EDA2R: variants seen among roughly 807,000 people sequenced by gnomAD.
EDA2R encodes the protein tumor necrosis factor receptor superfamily member 27.
Under a neutral mutation model 20.1 loss-of-function variants are expected in EDA2R, and 26 were observed. The ratio of observed to expected loss-of-function variants is 1.30; its 90% CI spans 0.95 to 1.80. The LOEUF is 1.80. EDA2R is among the 40% of genes most tolerant of loss of function. The pLI, the probability that EDA2R is intolerant of heterozygous loss-of-function variation, is 0.00. For missense variants in EDA2R, 277 were observed against 228.7 expected (o/e 1.21, Z -1.36); for synonymous variants, 114 against 88.7 (o/e 1.29, Z -1.60).
chrX:66,605,030 C>G lies in EDA2R; in HGVS notation c.266+18G>C. On this transcript the variant is annotated intron_variant, in intron 3 of 6. Transcript: ENST00000374719. ...CTAGAAAAGCCCAGACAAGCTTGGTCTCATAAAGCAAGCTCACCTGGGCAA... is the reference window on the plus strand; with the variant it reads ...CTAGAAAAGCCCAGACAAGCTTGGTGTCATAAAGCAAGCTCACCTGGGCAA... 8.5e-7 allele frequency: 1 copy of G among 1,182,140 alleles called. No individual in the cohort carries two copies. Among genetic ancestry groups the G allele is most frequent in the Non-Finnish European group, 1.1e-6 (1 of 878,853 alleles).
chrX:66,613,360 T>C (rs975899861), intron 2 of EDA2R, among the ~76,000 whole-genome samples: 6 of 110,812 alleles, frequency 5.4e-5, no homozygotes, highest in Middle Eastern at 9.3e-3. Context: ...ACATAATGAA[T>C]AGAAAGAATA....
chrX:66,633,012 G>T (rs997252884), intron 1 of EDA2R, among the ~76,000 whole-genome samples: 1 of 111,484 alleles, frequency 9.0e-6, no homozygotes, highest in African/African-American at 3.2e-5. Flanking sequence ...TTATTCTAGC[G>T]CACAGAGCAA....
Position 66,596,003 on chromosome X carries a change from G to A in EDA2R, c.*2101C>T, listed in dbSNP as rs1927371765. ...CCCTCCTGTCAAAATCCAAGTCAAG[G>A]TATATGGAGAGAAAAACAGTAATCC... On this transcript the variant is annotated 3_prime_UTR_variant, in exon 7 of 7. Coordinates refer to ENST00000374719, the MANE Select transcript of EDA2R (RefSeq NM_021783.5). The A allele has an allele frequency of 9.4e-6, 1 of 106,767 alleles. No individual in the cohort carries two copies. The highest frequency in any genetic ancestry group is 4.2e-4 in the South Asian group (1 of 2,380). 8.8% of individuals were successfully genotyped at this position (106,767 alleles called of 1,213,427 possible).
chrX:66,603,986 A>G (rs1161843069), intron 4 of EDA2R, among the ~76,000 whole-genome samples: 1 of 112,334 alleles, frequency 8.9e-6, no homozygotes, highest in East Asian at 2.8e-4. Context: ...AGACGATTAG[A>G]TAAATGGATA....
chrX:66,609,933 C>A (rs1930419247), intron 2 of EDA2R, among the ~76,000 whole-genome samples: 1 of 111,206 alleles, frequency 9.0e-6, no homozygotes. Context: ...CAAAAAGTAC[C>A]AAAACAAAAT....
chrX:66,604,692 C>T (rs983319105), intron 3 of EDA2R, among the ~76,000 whole-genome samples, 186 bp from the exon 4 acceptor site: 1 of 111,727 alleles, frequency 9.0e-6, no homozygotes, highest in Non-Finnish European at 1.9e-5. Flanking sequence ...CTTCTTCCCC[C>T]ATTCATGACA....
intron 1 of EDA2R, among the ~76,000 whole-genome samples, chrX:66,636,148 G>A (rs1242505112): frequency 2.7e-5 from 3 of 111,406 alleles, no homozygotes; most frequent in African/African-American, 6.5e-5. Context: ...CCCTCCTCTC[G>A]CCTATGCCTC....
chrX:66,634,025 C>A (rs1359553941), intron 1 of EDA2R, among the ~76,000 whole-genome samples: 2 of 111,072 alleles, frequency 1.8e-5, no homozygotes, highest in Non-Finnish European at 3.8e-5. Context: ...TTTCCCATGG[C>A]AATCAAGTAC....
intron 2 of EDA2R, among the ~76,000 whole-genome samples, chrX:66,612,355 C>CA (rs1930905997): frequency 9.0e-6 from 1 of 111,443 alleles, no homozygotes; most frequent in Non-Finnish European, 1.9e-5. Context: ...ACAAATTTAA[C>CA]AAAAATTATA....
chrX:66,604,639 C>T (rs1243280796), intron 3 of EDA2R, 133 bp from the exon 4 acceptor site: 1 of 533,311 alleles, frequency 1.9e-6, no homozygotes, highest in African/African-American at 2.3e-5. Context: ...TCTGAGTTAT[C>T]TGCCTCTGTG....
chrX:66,636,503 T>G (rs1244666172), intron 1 of EDA2R, among the ~76,000 whole-genome samples: 1 of 110,565 alleles, frequency 9.0e-6, no homozygotes, highest in South Asian at 3.9e-4. Context: ...GGAGAATGAC[T>G]AGGATATCCA....
intron 1 of EDA2R, among the ~76,000 whole-genome samples, chrX:66,629,727 G>T (rs1933526584): frequency 9.0e-6 from 1 of 111,728 alleles, no homozygotes; most frequent in Non-Finnish European, 1.9e-5. Context: ...CATGCTCATG[G>T]ATGGGTAGAA....
At chrX:66,628,554 T>C (rs774483979) in intron 1 of EDA2R, among the ~76,000 whole-genome samples, 3 of 110,638 alleles carry the variant, frequency 2.7e-5, no homozygotes, top group Non-Finnish European at 5.7e-5. Context: ...CAGGCTACTA[T>C]GAACATCATT....
Position 66,604,441 on chromosome X carries a change from G to T in EDA2R, c.332C>A (p.Thr111Asn), listed in dbSNP as rs1402282721. Residue 111 changes from threonine to asparagine, a missense_variant, in exon 4 of 7, where the codon ACC (threonine) becomes AAC (asparagine). Transcript: ENST00000374719. ...CACACATTGAACCTCAGAGGTGGGG[G>T]TCTGCTTCGTGCACGGGATGCACTC... ...DQECIPCTKQ[T>N]PTSEVQCAFQ... is the part of the protein sequence containing the mutation. The T allele has an allele frequency of 1.9e-5, 23 of 1,207,136 alleles. No homozygotes were observed. The Admixed American group carries it at 4.6e-4, about 24-fold the overall frequency.
chrX:66,607,675 C>T (rs1328479082), intron 2 of EDA2R, among the ~76,000 whole-genome samples: 2 of 111,132 alleles, frequency 1.8e-5, no homozygotes, highest in African/African-American at 6.6e-5. Flanking sequence ...ACTACTATAG[C>T]CTTCAACAAC....
At chrX:66,627,297 G>A (rs1328965896) in intron 1 of EDA2R, among the ~76,000 whole-genome samples, 1 of 112,364 alleles carries the variant, frequency 8.9e-6, no homozygotes, top group African/African-American at 3.2e-5. Flanking sequence ...AACATTGAAT[G>A]TAAATGGCCT....
At chrX:66,604,951 GA>G in intron 3 of EDA2R, 96 bp downstream of exon 3, 1 of 772,125 alleles carries the variant, frequency 1.3e-6, no homozygotes, top group Non-Finnish European at 1.8e-6. Flanking sequence ...ATGTTTATAA[GA>G]AGAATATTTC....
chrX:66,602,487 G>T lies in EDA2R; in HGVS notation c.517+146C>A, dbSNP rs1602191077. 7 of 661,968 alleles carry T rather than the reference G, an allele frequency of 1.1e-5. No homozygotes were observed. The East Asian group carries it at 2.7e-4, about 26-fold the overall frequency. 54.6% of individuals were successfully genotyped at this position (661,968 alleles called of 1,213,427 possible). ...ATGCTTTCCATTGCAGCCCCAGATA[G>T]TTCCCCAGGCCAACAGAAGACTATT... is the stretch of plus-strand genomic sequence containing the variant. On this transcript the variant is annotated intron_variant, in intron 5 of 6. Transcript: ENST00000374719.
rs749117865 is a variant in EDA2R at position 66,619,439 on chromosome X, G to T, written c.-10-3409C>A. ...GAAATAAAATCAGATTTGCAAATAAGTGAGGATGTTATTATGGACTTTATG... is the reference window on the plus strand; with the variant it reads ...GAAATAAAATCAGATTTGCAAATAATTGAGGATGTTATTATGGACTTTATG... On this transcript the variant is annotated intron_variant, in intron 1 of 6. Coordinates refer to ENST00000374719, the MANE Select transcript of EDA2R (RefSeq NM_021783.5). Among the ~76,000 whole-genome samples, 3 of 112,216 alleles carry T rather than the reference G, an allele frequency of 2.7e-5. No homozygotes were observed. The South Asian group carries it at 1.1e-3, about 42-fold the overall frequency.
Sources: gnomAD v4.1 joint callset for allele counts (sites outside exome capture counted in the v4.1 genomes callset) on GRCh38, gnomAD v4.1.1 for gene constraint, MANE v1.5 for transcripts, NCBI Gene and HGNC (gene_info 2026-07-23, HGNC 2026-07-21) for gene names.